The following RHD variants were observed in gnomAD, a reference collection of about 807,000 sequenced individuals.
RHD encodes blood group Rh(D) polypeptide.
RHD carries 16 observed loss-of-function variants against 45.5 expected under a neutral mutation model. The ratio of observed to expected loss-of-function variants is 0.35; its 90% CI spans 0.24 to 0.53. RHD has a LOEUF of 0.53. Ranked by LOEUF, RHD falls within the 20% of genes least tolerant of loss-of-function variation. The pLI is 0.92. For missense variants in RHD, 306 were observed against 532.0 expected, an observed-to-expected ratio of 0.58 and a Z score of 4.18; for synonymous variants, 131 against 217.5, an observed-to-expected ratio of 0.60 and a Z score of 3.50.
In RHD at chr1:25,287,573, A is replaced by ACAAGTT. The variant is rs1642142188; in HGVS notation, c.335+2815_335+2816insAAGTTC. On this transcript the variant is annotated intron_variant, in intron 2 of 9. Transcript: ENST00000328664. ...TCCAGCTTGTGCCACTTGACTTGGG[A>ACAAGTT]CTGATTTGGTTCTGTTTTGAGTCCC... is the stretch of plus-strand genomic sequence containing the variant. Among the ~76,000 whole-genome samples the ACAAGTT allele has an allele frequency of 1.5e-5, 2 of 134,642 alleles. 1 individual carries two copies. Among genetic ancestry groups the ACAAGTT allele is most frequent in the African/African-American group, 5.1e-5 (2 of 38,888 alleles). 88.3% of individuals were successfully genotyped at this position (134,642 alleles called of 152,430 possible).
At position 25,321,796 on chromosome 1, in the gene RHD, T is replaced by C. The variant is rs56332083; in HGVS notation, c.1154-93T>C. 27 of 661,208 alleles carry C rather than the reference T, an allele frequency of 4.1e-5. 3 individuals carry two copies. Among genetic ancestry groups the C allele is most frequent in the East Asian group, 2.5e-4 (10 of 39,478 alleles). 41.0% of individuals were successfully genotyped at this position (661,208 alleles called of 1,614,324 possible). A position where few individuals can be genotyped will look rare whatever the true frequency, so the allele number is the denominator to read the frequency against. On this transcript the variant is annotated intron_variant, in intron 8 of 9. Coordinates refer to ENST00000328664, the MANE Select transcript of RHD (RefSeq NM_016124.6). ...GGGAGAAAAAGGATTTCTGTTGAGA[T>C]ACTGTCGTTTTGACACACAATATTT...
In RHD at chr1:25,306,365, C is replaced by T. The variant is rs754109489; in HGVS notation, c.940-231C>T. On this transcript the variant is annotated intron_variant, in intron 6 of 9. Coordinates refer to ENST00000328664, the MANE Select transcript of RHD (RefSeq NM_016124.6). Reference sequence around the variant, plus strand: ...CAGCAGCATTGGCATCACCTGGGACCTTGTTAGAAATGCTGTTAGACCCCA... The same window carrying T: ...CAGCAGCATTGGCATCACCTGGGACTTTGTTAGAAATGCTGTTAGACCCCA... Among the ~76,000 whole-genome samples, 27 of 131,910 alleles carry T rather than the reference C, an allele frequency of 2.0e-4. 9 individuals are homozygous for T. The highest frequency in any genetic ancestry group is 3.9e-4 in the Non-Finnish European group (22 of 55,764). 86.5% of individuals were successfully genotyped at this position (131,910 alleles called of 152,430 possible).
rs1132758 is a variant in RHD, at chr1:25,284,574, T to C, written c.150T>C (p.Val50=). Reference sequence around the variant, plus strand: ...TCTCGCCATCTCCCCACCGAGCAGTTGGCCAAGATCTGACCGTGATGGCGG... The same window carrying C: ...TCTCGCCATCTCCCCACCGAGCAGTCGGCCAAGATCTGACCGTGATGGCGG... ...DQKGLVASYQ[V]GQDLTVMAAI... Residue 50 remains valine (V), a splice_region_variant and synonymous_variant, in exon 2 of 10, where the codon GTT becomes GTC. Transcript: ENST00000328664. The C allele has an allele frequency of 2.4e-4, 329 of 1,388,606 alleles. 49 individuals are homozygous for C. Among genetic ancestry groups the C allele is most frequent in the Admixed American group, 1.2e-3 (69 of 56,732 alleles). 86.0% of individuals were successfully genotyped at this position (1,388,606 alleles called of 1,614,324 possible). A position where few individuals can be genotyped will look rare whatever the true frequency, so the allele number is the denominator to read the frequency against.
chr1:25,312,104 C>T (rs1198767128), intron 7 of RHD, among the ~76,000 whole-genome samples: 2 of 97,130 alleles, frequency 2.1e-5, no homozygotes, highest in African/African-American at 7.1e-5. Context: ...CAGAGCTCCC[C>T]GAAGCTTCGG....
At position 25,286,764 on chromosome 1, in the gene RHD, T is replaced by A. The variant is rs1475341487; in HGVS notation, c.335+2005T>A. 4.8e-5 allele frequency among the ~76,000 whole-genome samples: 6 copies of A among 125,656 alleles called. 1 individual carries two copies. Among genetic ancestry groups the A allele is most frequent in the Admixed American group, 1.5e-4 (2 of 13,002 alleles). 82.4% of individuals were successfully genotyped at this position (125,656 alleles called of 152,430 possible). A position where few individuals can be genotyped will look rare whatever the true frequency, so the allele number is the denominator to read the frequency against. Reference sequence around the variant, plus strand: ...TGGTGCCACTGCACTCCAGCCTGGGTGACAGAGCGAGACTCCGTCTCAAAA... The same window carrying A: ...TGGTGCCACTGCACTCCAGCCTGGGAGACAGAGCGAGACTCCGTCTCAAAA... On this transcript the variant is annotated intron_variant, in intron 2 of 9. Transcript: ENST00000328664.
intron 6 of RHD, 28 bp downstream of exon 6, chr1:25,303,487 T>C: frequency 7.3e-7 from 1 of 1,378,112 alleles, no homozygotes; most frequent in Non-Finnish European, 1.0e-6. Flanking sequence ...TAACCTCCTC[T>C]GCTTTGGCTG....
chr1:25,273,084 A>G lies in RHD; in HGVS notation c.148+389A>G, dbSNP rs188269931. Among the ~76,000 whole-genome samples the G allele has an allele frequency of 6.7e-4, 88 of 130,888 alleles. 23 individuals are homozygous for G. The highest frequency in any genetic ancestry group is 1.5e-3 in the Non-Finnish European group (82 of 55,314). The allele number at this position is 130,888 out of a possible 152,430, so 85.9% of individuals were successfully genotyped here. On this transcript the variant is annotated intron_variant, in intron 1 of 9. Transcript: ENST00000328664. ...CAAGTGCAGCTATCTTATGCAAGCA[A>G]TTTCATGTTGTTGGGTTTTTGGTTT... is the stretch of plus-strand genomic sequence containing the variant.
intron 1 of RHD, among the ~76,000 whole-genome samples, chr1:25,276,532 T>TAAAAAAAA (rs557746335): frequency 1.7e-4 from 11 of 64,786 alleles, no homozygotes; most frequent in African/African-American, 7.2e-4. Context: ...CCCCCATCTC[T>TAAAAAAAA]AAAAAAAAAA....
chr1:25,307,879 T>C lies in RHD; in HGVS notation c.1073+1150T>C, dbSNP rs1643935405. ...TGTGTGAAGCAAGGCGCCTCTGTGATGGGTTCCAGTGATGTGTCTGCCACT... is the reference window on the plus strand; with the variant it reads ...TGTGTGAAGCAAGGCGCCTCTGTGACGGGTTCCAGTGATGTGTCTGCCACT... On this transcript the variant is annotated intron_variant, in intron 7 of 9. Transcript: ENST00000328664. 6.5e-6 allele frequency: 8 copies of C among 1,236,596 alleles called. 1 individual carries two copies. The East Asian group carries it at 2.0e-4, about 31-fold the overall frequency. The allele number at this position is 1,236,596 out of a possible 1,614,324, so 76.6% of individuals were successfully genotyped here.
rs1438964062 is a variant in RHD at position 25,329,293 on chromosome 1, A to G, written c.*369A>G. 99 of 449,324 alleles carry G rather than the reference A, an allele frequency of 2.2e-4. 13 individuals are homozygous for G. Among genetic ancestry groups the G allele is most frequent in the Non-Finnish European group, 3.4e-4 (87 of 258,164 alleles). The allele number at this position is 449,324 out of a possible 1,614,324, so 27.8% of individuals were successfully genotyped here. On this transcript the variant is annotated 3_prime_UTR_variant, in exon 10 of 10. Coordinates refer to ENST00000328664, the MANE Select transcript of RHD (RefSeq NM_016124.6). ...GTAGTCTTACTCTGTCACCCAGGCT[A>G]GAGTGCAATGGCACCATCTTGGCTC...
chr1:25,315,150 A>G (rs1247961367), intron 7 of RHD, among the ~76,000 whole-genome samples: 1 of 129,756 alleles, frequency 7.7e-6, no homozygotes, highest in Non-Finnish European at 1.8e-5. Flanking sequence ...GCAAGACTCC[A>G]TCTCAAAAAA....
intron 1 of RHD, among the ~76,000 whole-genome samples, chr1:25,275,357 G>T (rs574355831): frequency 7.6e-6 from 1 of 132,330 alleles, no homozygotes; most frequent in Admixed American, 7.4e-5. Flanking sequence ...GGCTGCATAC[G>T]AAGTTTGGCT....
At chr1:25,318,052 G>A (rs1256567814) in intron 8 of RHD, 2 of 131,828 alleles carry the variant, frequency 1.5e-5, no homozygotes, top group Non-Finnish European at 3.6e-5. Context: ...GCTAGGTGCA[G>A]TGGCTCATAC....
chr1:25,273,791 G>A (rs1640703859), intron 1 of RHD, among the ~76,000 whole-genome samples: 3 of 130,812 alleles, frequency 2.3e-5, no homozygotes, highest in Admixed American at 2.2e-4. Context: ...ATGTCCCTGA[G>A]ACAAAGTTGA....
At position 25,304,144 on chromosome 1, in the gene RHD, G is replaced by A. The variant is rs1465766783; in HGVS notation, c.939+685G>A. 4.9e-5 allele frequency among the ~76,000 whole-genome samples: 4 copies of A among 81,538 alleles called. 1 individual carries two copies. Among genetic ancestry groups the A allele is most frequent in the African/African-American group, 1.7e-4 (4 of 24,228 alleles). 53.5% of individuals were successfully genotyped at this position (81,538 alleles called of 152,430 possible). On this transcript the variant is annotated intron_variant, in intron 6 of 9. Transcript: ENST00000328664. ...CTCCAATACTCAGCAAATCCTGATCGTTCCAGAATACTTCATTATAGCCAA... is the reference window on the plus strand; with the variant it reads ...CTCCAATACTCAGCAAATCCTGATCATTCCAGAATACTTCATTATAGCCAA...
At chr1:25,286,570 AG>A (rs1642016460) in intron 2 of RHD, among the ~76,000 whole-genome samples, 2 of 133,630 alleles carry the variant, frequency 1.5e-5, no homozygotes, top group Non-Finnish European at 3.5e-5. Flanking sequence ...GGGGATCATG[AG>A]GTCAGGAGAT....
intron 7 of RHD, among the ~76,000 whole-genome samples, chr1:25,315,021 G>A (rs1644363136): frequency 7.7e-6 from 1 of 129,450 alleles, no homozygotes; most frequent in Non-Finnish European, 1.8e-5. Flanking sequence ...TGGCCAACAT[G>A]GTGAAGCCCT....
chr1:25,307,872 T>A, intron 7 of RHD: 1 of 1,271,198 alleles, frequency 7.9e-7, no homozygotes, highest in Non-Finnish European at 1.1e-6. Context: ...GCAAGGCGCC[T>A]CTGTGATGGG....
intron 1 of RHD, 77 bp from the exon 2 acceptor site, chr1:25,284,496 G>C: frequency 2.4e-6 from 3 of 1,262,250 alleles, no homozygotes; most frequent in Admixed American, 1.8e-5. Context: ...CTGCCATTTA[G>C]TAAGACTCTA....
Sources: gnomAD v4.1 joint callset for allele counts (sites outside exome capture counted in the v4.1 genomes callset) on GRCh38, gnomAD v4.1.1 for gene constraint, MANE v1.5 for transcripts, NCBI Gene and HGNC (gene_info 2026-07-23, HGNC 2026-07-21) for gene names.